The following ACSM2B variants were observed in gnomAD, a reference collection of about 807,000 sequenced individuals.
ACSM2B encodes acyl-CoA synthetase medium chain family member 2B.
A neutral mutation model predicts 78.6 loss-of-function variants in ACSM2B; 58 were observed. That is an observed-to-expected ratio of 0.74 (90% confidence interval 0.60 to 0.92). ACSM2B has a LOEUF of 0.92. Ranked by LOEUF, ACSM2B falls within the 40% of genes least tolerant of loss-of-function variation. ACSM2B has a pLI of 0.00. For synonymous variants in ACSM2B, 257 were observed against 256.8 expected (o/e 1.00, Z -0.01); for missense variants, 688 against 711.2 (o/e 0.97, Z 0.37).
chr16:20,569,075 C>T (rs928687435), intron 1 of ACSM2B, among the ~76,000 whole-genome samples: 9 of 151,694 alleles, frequency 5.9e-5, no homozygotes, highest in African/African-American at 1.2e-4. Flanking sequence ...TACTTAAGTC[C>T]CATCTATTTA....
rs747795869 is a variant in ACSM2B at position 20,546,476 on chromosome 16, T to C, written c.1099-2A>G. On this transcript the variant is annotated splice_acceptor_variant, in intron 8 of 13. Transcript: ENST00000329697. LOFTEE classifies it high-confidence loss of function. ...CTTGGAAACCATGCAAGTTAATCCC[T>C]GTGGAAAGAAGCAGACAGATCAGCA... is the stretch of plus-strand genomic sequence containing the variant. 4 of 1,597,506 alleles carry C rather than the reference T, an allele frequency of 2.5e-6. No homozygotes were observed. The African/African-American group carries it at 4.1e-5, about 16-fold the overall frequency.
At position 20,548,068 on chromosome 16, in the gene ACSM2B, T is replaced by A. The variant is rs750640663; in HGVS notation, c.1092A>T (p.Thr364=). The change falls in exon 8 of 14, where the codon ACA becomes ACT. Residue 364 remains threonine (T), a synonymous_variant. Coordinates refer to ENST00000329697, the MANE Select transcript of ACSM2B (RefSeq NM_001105069.2). Reference sequence around the variant, plus strand: ...TTCCCCTGGGAACAGGTACCGTTTCTGTCTGGCCATAGAATTCTCGGATGT... The same window carrying A: ...TTCCCCTGGGAACAGGTACCGTTTCAGTCTGGCCATAGAATTCTCGGATGT... The part of the protein sequence containing the change: ...GLDIREFYGQ[T]ETGLTCMVSK... 6.2e-7 allele frequency: 1 copy of A among 1,614,074 alleles called. No homozygotes were observed. Among genetic ancestry groups the A allele is most frequent in the South Asian group, 1.1e-5 (1 of 91,082 alleles).
At chr16:20,545,134 G>A (rs2015097335) in intron 10 of ACSM2B, 23 bp downstream of exon 10, 1 of 1,602,758 alleles carries the variant, frequency 6.2e-7, no homozygotes, top group Non-Finnish European at 8.5e-7. Context: ...GGGGAACAGA[G>A]GAGGAGAAGC....
In ACSM2B at chr16:20,555,196, G is replaced by T. The variant is rs2015433581; in HGVS notation, c.596+73C>A. 3 of 1,602,874 alleles carry T rather than the reference G, an allele frequency of 1.9e-6. No homozygotes were observed. The South Asian group carries it at 3.4e-5, about 18-fold the overall frequency. ...GTTCTTCCTGCAACTCCTCAATAAA[G>T]CACCTGCACCTAAGTGCTTGGCTCT... On this transcript the variant is annotated intron_variant, in intron 4 of 13. Coordinates refer to ENST00000329697, the MANE Select transcript of ACSM2B (RefSeq NM_001105069.2).
intron 12 of ACSM2B, 154 bp downstream of exon 12, chr16:20,542,760 C>G: frequency 8.1e-6 from 8 of 990,302 alleles, no homozygotes; most frequent in Admixed American, 2.7e-5. Context: ...ACAGAGAGGC[C>G]AAGTAGCTTA....
chr16:20,568,709 C>G (rs937328278), intron 1 of ACSM2B, among the ~76,000 whole-genome samples: 14 of 151,814 alleles, frequency 9.2e-5, no homozygotes, highest in South Asian at 4.2e-4. Flanking sequence ...CCCTTTTCAC[C>G]ACATCCACAC....
At chr16:20,542,858 C>T in intron 12 of ACSM2B, 56 bp downstream of exon 12, 1 of 1,605,746 alleles carries the variant, frequency 6.2e-7, no homozygotes, top group Non-Finnish European at 8.5e-7. Flanking sequence ...AACCATCATA[C>T]TACACTGCCC....
chr16:20,549,272 G>A (rs754456381), intron 6 of ACSM2B, among the ~76,000 whole-genome samples: 9 of 152,120 alleles, frequency 5.9e-5, no homozygotes, highest in Non-Finnish European at 8.8e-5. Flanking sequence ...CTGAGTACCC[G>A]AGACAGAGTA....
chr16:20,569,691 C>G (rs1478554116), intron 1 of ACSM2B, among the ~76,000 whole-genome samples: 2 of 151,860 alleles, frequency 1.3e-5, no homozygotes, highest in Non-Finnish European at 2.9e-5. Context: ...AATATTTATT[C>G]TACCCATCCA....
In ACSM2B at chr16:20,552,271, A is replaced by C; in HGVS notation, c.767T>G (p.Ile256Arg). The change falls in exon 6 of 14, where the codon ATA becomes AGA. Residue 256 changes from isoleucine to arginine, a missense_variant. By Grantham distance (97) the Ile-to-Arg change is moderately conservative. Coordinates refer to ENST00000329697, the MANE Select transcript of ACSM2B (RefSeq NM_001105069.2). ...AGWTGLQASD[I>R]MWTISDTGWI... The stretch of plus-strand genomic sequence containing the variant: ...ACCTGTGTCTGATATGGTCCACATT[A>C]TATCAGAGGCTTGCAGGCCTGTCCA... The C allele has an allele frequency of 1.2e-6, 2 of 1,613,050 alleles. No individual in the cohort carries two copies. The highest frequency in any genetic ancestry group is 1.7e-6 in the Non-Finnish European group (2 of 1,179,576).
At chr16:20,554,820 G>C (rs1450871647) in intron 4 of ACSM2B, among the ~76,000 whole-genome samples, 1 of 152,228 alleles carries the variant, frequency 6.6e-6, no homozygotes, top group Non-Finnish European at 1.5e-5. Context: ...AACCCACTTG[G>C]TGTTAACACC....
chr16:20,549,346 G>A (rs2015235030), intron 6 of ACSM2B, among the ~76,000 whole-genome samples: 1 of 152,110 alleles, frequency 6.6e-6, no homozygotes, highest in South Asian at 2.1e-4. Flanking sequence ...AGGTCAAGAA[G>A]CTGCATCTGG....
intron 10 of ACSM2B, among the ~76,000 whole-genome samples, chr16:20,543,807 C>G (rs1192054165): frequency 7.2e-5 from 11 of 152,208 alleles, no homozygotes; most frequent in African/African-American, 2.7e-4. Context: ...GTGCATCTTC[C>G]TATCTGACTC....
At chr16:20,561,185 C>A (rs537957982) in intron 2 of ACSM2B, among the ~76,000 whole-genome samples, 3 of 152,086 alleles carry the variant, frequency 2.0e-5, no homozygotes, top group South Asian at 4.2e-4. Context: ...CACAAAAAAC[C>A]AAATACTGTG....
intron 1 of ACSM2B, among the ~76,000 whole-genome samples, chr16:20,568,864 A>C (rs2016011455): frequency 6.6e-6 from 1 of 151,644 alleles, no homozygotes; most frequent in South Asian, 2.1e-4. Context: ...TTCTTTTGAG[A>C]ATTGTCTATT....
chr16:20,568,895 T>C (rs1214034533), intron 1 of ACSM2B, among the ~76,000 whole-genome samples: 1 of 151,858 alleles, frequency 6.6e-6, no homozygotes, highest in Non-Finnish European at 1.5e-5. Context: ...GCCCACGTTT[T>C]TTATGGGATT....
At chr16:20,561,968 G>GT (rs58486772) in intron 2 of ACSM2B, among the ~76,000 whole-genome samples, 141,593 of 149,060 alleles carry the variant, frequency 0.95, 67,298 homozygotes, top group East Asian at 0.99. Flanking sequence ...GCAGTGTTTG[G>GT]TTTTTTTGTC....
At chr16:20,566,168 T>C (rs1247575956) in intron 1 of ACSM2B, among the ~76,000 whole-genome samples, 2 of 141,854 alleles carry the variant, frequency 1.4e-5, no homozygotes, top group Admixed American at 1.5e-4. Flanking sequence ...ATATATGTAA[T>C]AAACGTCACA....
chr16:20,566,887 T>A (rs2015911275), intron 1 of ACSM2B, among the ~76,000 whole-genome samples: 1 of 127,802 alleles, frequency 7.8e-6, no homozygotes, highest in East Asian at 2.1e-4. Flanking sequence ...ATATATAATA[T>A]ATGATACACA....
Sources: allele counts gnomAD v4.1 joint callset (sites outside exome capture counted in the v4.1 genomes callset), GRCh38; gene constraint gnomAD v4.1.1; transcripts MANE v1.5; gene names NCBI Gene and HGNC (gene_info 2026-07-23, HGNC 2026-07-21).